ITSN1: variants seen among roughly 807,000 people sequenced by gnomAD.
ITSN1 encodes the protein intersectin 1.
In ITSN1, 58 loss-of-function variants were observed where a neutral mutation model predicts 239.8. That is an observed-to-expected ratio of 0.24 (90% confidence interval 0.20 to 0.30). The LOEUF (loss-of-function observed/expected upper bound fraction) is 0.30. Among genes scored for constraint, ITSN1 ranks in the 10% least tolerant of loss-of-function variants. The pLI, the probability that ITSN1 is intolerant of heterozygous loss-of-function variation, is 1.00. For missense variants in ITSN1, 1,558 were observed against 2,103.3 expected (o/e 0.74, Z 5.07); for synonymous variants, 780 against 770.8 (o/e 1.01, Z -0.20).
intron 16 of ITSN1, among the ~76,000 whole-genome samples, chr21:33,790,097 C>A (rs1267684082): frequency 6.6e-6 from 1 of 151,984 alleles, no homozygotes; most frequent in Non-Finnish European, 1.5e-5. Context: ...ATCAAAGACC[C>A]CTTGAGACTA....
At chr21:33,753,842 T>A (rs866235472) in intron 7 of ITSN1, among the ~76,000 whole-genome samples, 7 of 151,114 alleles carry the variant, frequency 4.6e-5, no homozygotes, top group Admixed American at 1.3e-4. Flanking sequence ...GCAGAAGCAA[T>A]TTTGAAATCT....
chr21:33,865,122 G>A lies in ITSN1; in HGVS notation c.3891-29G>A, dbSNP rs1161370388. ...GGTGCTGTCAGATAGCGTGAAAGCA[G>A]GGGGCTCACCTCCCGTGTTTCCGTG... On this transcript the variant is annotated intron_variant, in intron 31 of 39. Coordinates refer to ENST00000381318, the MANE Select transcript of ITSN1 (RefSeq NM_003024.3). The surrounding 1 kb of genome is among the most constrained non-coding windows in gnomAD (Gnocchi z 4.4). The A allele has an allele frequency of 1.3e-6, 2 of 1,595,498 alleles. No homozygotes were observed. The highest frequency in any genetic ancestry group is 1.7e-6 in the Non-Finnish European group (2 of 1,168,966).
At chr21:33,792,723 C>T (rs2071238408) in intron 16 of ITSN1, among the ~76,000 whole-genome samples, 1 of 152,014 alleles carries the variant, frequency 6.6e-6, no homozygotes, top group South Asian at 2.1e-4. Context: ...CAGTCTTAGC[C>T]TTCTTTTCCC....
At chr21:33,795,637 G>T (rs1298364792) in intron 17 of ITSN1, among the ~76,000 whole-genome samples, 2 of 151,986 alleles carry the variant, frequency 1.3e-5, no homozygotes, top group Non-Finnish European at 2.9e-5. Context: ...TTGTTTTATG[G>T]TTTTCTTGGG....
At position 33,818,263 on chromosome 21, in the gene ITSN1, C is replaced by A; in HGVS notation, c.2728-4C>A. ...GAGAGGTCCTTTATGTTATTCCACA[C>A]AAGGGTGAAAAGGTGGAGGGGCTAC... On this transcript the variant is annotated splice_polypyrimidine_tract_variant and splice_region_variant and intron_variant, in intron 22 of 39. Coordinates refer to ENST00000381318, the MANE Select transcript of ITSN1 (RefSeq NM_003024.3). 2.5e-6 allele frequency: 4 copies of A among 1,613,510 alleles called. No homozygotes were observed. Among genetic ancestry groups the A allele is most frequent in the Non-Finnish European group, 3.4e-6 (4 of 1,179,466 alleles).
chr21:33,668,571 G>A (rs1229628071), intron 1 of ITSN1, among the ~76,000 whole-genome samples: 2 of 152,346 alleles, frequency 1.3e-5, no homozygotes, highest in South Asian at 2.1e-4. Context: ...GGGATGCAGG[G>A]ATGGGGCCTG....
At chr21:33,644,559 G>C (rs778525616) in intron 1 of ITSN1, among the ~76,000 whole-genome samples, 3 of 152,054 alleles carry the variant, frequency 2.0e-5, no homozygotes, top group Non-Finnish European at 4.4e-5. Flanking sequence ...ATGTACTTTG[G>C]AACCCTGCGG....
intron 29 of ITSN1, among the ~76,000 whole-genome samples, chr21:33,844,711 A>G (rs1288513372): frequency 6.6e-6 from 1 of 151,942 alleles, no homozygotes; most frequent in African/African-American, 2.4e-5. Context: ...CAGGAGAGCG[A>G]GCCTGCAGTC....
At chr21:33,778,986 T>TCTCCTTTTCCTTCCTAACCCC (rs1395528785) in intron 14 of ITSN1, among the ~76,000 whole-genome samples, 6 of 152,066 alleles carry the variant, frequency 3.9e-5, no homozygotes, top group Non-Finnish European at 8.8e-5. Flanking sequence ...CGTGCTTCCT[T>TCTCCTTTTCCTTCCTAACCCC]CTCCTTTTCC....
intron 1 of ITSN1, among the ~76,000 whole-genome samples, chr21:33,702,940 G>A (rs2146838817): frequency 6.6e-6 from 1 of 152,208 alleles, no homozygotes; most frequent in East Asian, 1.9e-4. Context: ...AGCCGGGCAT[G>A]ATGGCCGGTG....
Position 33,730,388 on chromosome 21 carries a change from C to CTTTTT in ITSN1, c.186-4632_186-4628dup, listed in dbSNP as rs71194863. Among the ~76,000 whole-genome samples the CTTTTT allele has an allele frequency of 5.3e-3, 262 of 49,384 alleles. 15 individuals carry two copies. The highest frequency in any genetic ancestry group is 6.6e-3 in the Non-Finnish European group (170 of 25,756). 32.4% of individuals were successfully genotyped at this position (49,384 alleles called of 152,430 possible). The stretch of plus-strand genomic sequence containing the variant: ...TAACCTGCTATAAATGCTCTCTGTT[C>CTTTTT]TTTTTTTTTTTTTTTTTTTTTTTTT... On this transcript the variant is annotated intron_variant, in intron 4 of 39. Coordinates refer to ENST00000381318, the MANE Select transcript of ITSN1 (RefSeq NM_003024.3).
At chr21:33,842,727 A>G (rs187188388) in intron 29 of ITSN1, among the ~76,000 whole-genome samples, 95 of 152,304 alleles carry the variant, frequency 6.2e-4, no homozygotes, top group Admixed American at 3.9e-3. Flanking sequence ...GCAAGCCTCA[A>G]AAGAGATGTT....
At chr21:33,661,013 T>G (rs2089509847) in intron 1 of ITSN1, among the ~76,000 whole-genome samples, 1 of 152,160 alleles carries the variant, frequency 6.6e-6, no homozygotes, top group Non-Finnish European at 1.5e-5. Flanking sequence ...TATTAGAAAA[T>G]TCTTTAAATG....
At chr21:33,723,644 G>A (rs938976577) in intron 4 of ITSN1, among the ~76,000 whole-genome samples, 6 of 152,198 alleles carry the variant, frequency 3.9e-5, no homozygotes, top group Middle Eastern at 3.4e-3. Context: ...ATTTGTAGTC[G>A]TACACCTGAG....
chr21:33,687,088 T>C (rs528113176), intron 1 of ITSN1, among the ~76,000 whole-genome samples: 2 of 152,270 alleles, frequency 1.3e-5, no homozygotes, highest in South Asian at 2.1e-4. Flanking sequence ...CCCAGCACTT[T>C]GGGAGGCCAA....
At position 33,892,227 on chromosome 21, in the gene ITSN1, G is replaced by A. The variant is rs929218925; in HGVS notation, c.*3927G>A. 5.3e-5 allele frequency: 8 copies of A among 152,236 alleles called. No homozygotes were observed. Among genetic ancestry groups the A allele is most frequent in the Non-Finnish European group, 8.8e-5 (6 of 68,052 alleles). 9.4% of individuals were successfully genotyped at this position (152,236 alleles called of 1,614,324 possible). A position where few individuals can be genotyped will look rare whatever the true frequency, so the allele number is the denominator to read the frequency against. ...GAGCTTTAGCTCACACCAGGCAGAA[G>A]CATAACCAGTAGCCCCAGAAACCGG... On this transcript the variant is annotated 3_prime_UTR_variant, in exon 40 of 40. Transcript: ENST00000381318.
intron 1 of ITSN1, among the ~76,000 whole-genome samples, chr21:33,706,235 T>C (rs1240846931): frequency 6.6e-6 from 1 of 152,000 alleles, no homozygotes; most frequent in Non-Finnish European, 1.5e-5. Flanking sequence ...GCCAGGCTGG[T>C]CTGGAACTCC....
intron 8 of ITSN1, among the ~76,000 whole-genome samples, chr21:33,759,847 C>G (rs1203376458): frequency 6.6e-6 from 1 of 152,138 alleles, no homozygotes; most frequent in Admixed American, 6.6e-5. Flanking sequence ...TACCTGTAAT[C>G]CCAGCACTTT....
chr21:33,764,004 G>A (rs1258031333), intron 9 of ITSN1, among the ~76,000 whole-genome samples: 1 of 152,136 alleles, frequency 6.6e-6, no homozygotes, highest in Non-Finnish European at 1.5e-5. Flanking sequence ...CAGTAGACCA[G>A]ACCAGTTAAT....
Sources: gnomAD v4.1 joint callset for allele counts (sites outside exome capture counted in the v4.1 genomes callset) on GRCh38, gnomAD v4.1.1 for gene constraint, Gnocchi (gnomAD v3.1) non-coding constraint, MANE v1.5 for transcripts, NCBI Gene and HGNC (gene_info 2026-07-23, HGNC 2026-07-21) for gene names.